Variants in PTPRE observed in about 807,000 individuals in gnomAD.
PTPRE encodes the protein protein tyrosine phosphatase receptor type E.
In PTPRE, 51 loss-of-function variants were observed where a neutral mutation model predicts 102.0. The observed-to-expected ratio is 0.50, with a 90% CI of 0.40 to 0.63. PTPRE has a LOEUF of 0.63. Ranked by LOEUF, PTPRE falls within the 30% of genes least tolerant of loss-of-function variation. The pLI is 0.00. For missense variants in PTPRE, 752 were observed against 915.1 expected (o/e 0.82, Z 2.30); for synonymous variants, 345 against 348.2 (o/e 0.99, Z 0.10).
At chr10:128,003,275 C>T (rs752591035) in intron 2 of PTPRE, among the ~76,000 whole-genome samples, 16 of 152,054 alleles carry the variant, frequency 1.1e-4, no homozygotes, top group Non-Finnish European at 1.0e-4. Flanking sequence ...GCTGCTGTTG[C>T]GGCTGTTTCC....
intron 1 of PTPRE, among the ~76,000 whole-genome samples, chr10:127,930,105 T>C (rs1037390524): frequency 9.2e-5 from 14 of 151,824 alleles, no homozygotes; most frequent in Non-Finnish European, 1.8e-4. Flanking sequence ...AAAAGCATTG[T>C]TTTTAGATTT....
chr10:128,007,894 C>A (rs934900374), intron 2 of PTPRE, among the ~76,000 whole-genome samples: 1 of 152,216 alleles, frequency 6.6e-6, no homozygotes. Context: ...GGCTTCTGTA[C>A]ATGATTGTCT....
intron 2 of PTPRE, among the ~76,000 whole-genome samples, chr10:128,036,903 C>T (rs115024717): frequency 8.7e-4 from 133 of 152,314 alleles, no homozygotes; most frequent in African/African-American, 3.1e-3. Context: ...GATGCTCGGG[C>T]TCCTGGACCA....
intron 2 of PTPRE, chr10:127,987,315 A>G: frequency 1.6e-6 from 2 of 1,262,032 alleles, no homozygotes; most frequent in East Asian, 5.6e-5. Context: ...ATTCTTCTAG[A>G]AATCCTTTCT....
chr10:128,075,449 A>C (rs1270107854), intron 17 of PTPRE, among the ~76,000 whole-genome samples: 24 of 138,766 alleles, frequency 1.7e-4, no homozygotes, highest in African/African-American at 3.3e-4. Context: ...CTCACCCTCC[A>C]CCCCCCAACT....
At chr10:128,026,149 C>T (rs1846273312) in intron 2 of PTPRE, among the ~76,000 whole-genome samples, 1 of 152,164 alleles carries the variant, frequency 6.6e-6, no homozygotes, top group African/African-American at 2.4e-5. Context: ...CCCCAGGCTG[C>T]AGAAGAAAGA....
At chr10:128,066,893 T>TGCACAC (rs1171117412) in intron 11 of PTPRE, among the ~76,000 whole-genome samples, 11 of 151,756 alleles carry the variant, frequency 7.2e-5, no homozygotes, top group African/African-American at 2.2e-4. Flanking sequence ...GGCACTCACA[T>TGCACAC]GCACACGCAC....
intron 1 of PTPRE, among the ~76,000 whole-genome samples, chr10:127,915,437 G>A (rs1389130803): frequency 7.2e-5 from 11 of 152,168 alleles, no homozygotes; most frequent in African/African-American, 1.2e-4. Context: ...TTGACTAAGC[G>A]CTCTCTTTTC....
intron 2 of PTPRE, among the ~76,000 whole-genome samples, chr10:128,027,565 C>T (rs562910165): frequency 6.6e-6 from 1 of 152,346 alleles, no homozygotes; most frequent in East Asian, 1.9e-4. Context: ...CGCCTCCTGG[C>T]CTTTGCTTTC....
intron 2 of PTPRE, among the ~76,000 whole-genome samples, chr10:128,039,882 T>G (rs1291275117): frequency 6.6e-6 from 1 of 152,184 alleles, no homozygotes; most frequent in Non-Finnish European, 1.5e-5. Flanking sequence ...CCAGTGAGCC[T>G]CTAGTGAGGG....
At chr10:127,971,377 G>A (rs932074924) in intron 1 of PTPRE, among the ~76,000 whole-genome samples, 9 of 152,148 alleles carry the variant, frequency 5.9e-5, no homozygotes, top group Admixed American at 1.3e-4. Flanking sequence ...CCTGGAGGGC[G>A]TCTCCATGTT....
chr10:127,910,234 G>T (rs1346755973), intron 1 of PTPRE, among the ~76,000 whole-genome samples: 1 of 152,060 alleles, frequency 6.6e-6, no homozygotes, highest in Non-Finnish European at 1.5e-5. Flanking sequence ...CAATGGCTTT[G>T]TCTTCCATAA....
At chr10:128,073,862 C>T (rs1201025825) in intron 17 of PTPRE, among the ~76,000 whole-genome samples, 2 of 152,204 alleles carry the variant, frequency 1.3e-5, no homozygotes, top group East Asian at 3.8e-4. Context: ...TCCCCCAAGA[C>T]ATAACTACTG....
intron 2 of PTPRE, among the ~76,000 whole-genome samples, chr10:128,021,971 A>G (rs1421599317): frequency 6.6e-6 from 1 of 152,192 alleles, no homozygotes; most frequent in Non-Finnish European, 1.5e-5. Context: ...TATGCATTCA[A>G]TTATTGATCA....
At position 127,935,327 on chromosome 10, in the gene PTPRE, C is replaced by T. The variant is rs1847770717; in HGVS notation, c.-31+28018C>T. ...GAGCTTTTGTGACCAAAATCAACCC[C>T]GGGGCATCTCAGGCTCTAGCGCTGG... On this transcript the variant is annotated intron_variant, in intron 1 of 20. Coordinates refer to ENST00000254667, the MANE Select transcript of PTPRE (RefSeq NM_006504.6). 3.3e-5 allele frequency among the ~76,000 whole-genome samples: 5 copies of T among 152,302 alleles called. No homozygotes were observed. The Middle Eastern group carries it at 0.017, about 518-fold the overall frequency.
At chr10:127,920,276 A>G (rs1171682989) in intron 1 of PTPRE, among the ~76,000 whole-genome samples, 2 of 152,138 alleles carry the variant, frequency 1.3e-5, no homozygotes, top group Non-Finnish European at 2.9e-5. Context: ...CCGTGAGAAG[A>G]GCACCTTGAG....
At chr10:128,051,784 C>A (rs1390849565) in intron 6 of PTPRE, among the ~76,000 whole-genome samples, 1 of 152,200 alleles carries the variant, frequency 6.6e-6, no homozygotes, top group Non-Finnish European at 1.5e-5. Context: ...AGGGGAAGAA[C>A]ACTGGACCCA....
chr10:127,928,559 G>T (rs888830892), intron 1 of PTPRE, among the ~76,000 whole-genome samples: 2 of 152,046 alleles, frequency 1.3e-5, no homozygotes, highest in Non-Finnish European at 2.9e-5. Flanking sequence ...TTAATTCCAC[G>T]CACCTAGACC....
intron 2 of PTPRE, among the ~76,000 whole-genome samples, chr10:128,011,539 C>G (rs1317172300): frequency 6.6e-6 from 1 of 152,244 alleles, no homozygotes; most frequent in Non-Finnish European, 1.5e-5. Flanking sequence ...TGGCATAGCA[C>G]CCGGGCTTCA....
Sources: allele counts gnomAD v4.1 joint callset (sites outside exome capture counted in the v4.1 genomes callset), GRCh38; gene constraint gnomAD v4.1.1; transcripts MANE v1.5; gene names NCBI Gene and HGNC (gene_info 2026-07-23, HGNC 2026-07-21).